Variants in SSR4 observed in about 807,000 individuals in gnomAD.
SSR4 encodes translocon-associated protein subunit delta.
For missense variants in SSR4, 125 were observed against 148.8 expected (o/e 0.84, Z 0.83); for synonymous variants, 84 against 65.6 (o/e 1.28, Z -1.35).
intron 2 of SSR4, 167 bp from the exon 3 acceptor site, chrX:153,797,283 GCAGAGGGC>G: frequency 6.5e-6 from 3 of 463,906 alleles, no homozygotes; most frequent in Non-Finnish European, 1.2e-5. Flanking sequence ...GAAGACCAAT[GCAGAGGGC>G]CAGTCACGGG....
chrX:153,798,103 C>T lies in SSR4; in HGVS notation c.384C>T (p.Ile128=). 3 of 1,149,966 alleles carry T rather than the reference C, an allele frequency of 2.6e-6. No individual in the cohort carries two copies. Among genetic ancestry groups the T allele is most frequent in the Non-Finnish European group, 2.3e-6 (2 of 856,597 alleles). 94.8% of individuals were successfully genotyped at this position (1,149,966 alleles called of 1,213,427 possible). Residue 128 remains isoleucine (I), a synonymous_variant, in exon 5 of 6, where the codon ATC becomes ATT. Coordinates refer to ENST00000370086, the MANE Select transcript of SSR4 (RefSeq NM_006280.3). The stretch of plus-strand genomic sequence containing the variant: ...GGAATAACGAGGACATTTCCATCAT[C>T]CCGCCTCTGTTTACAGTCAGCGTGG... The part of the protein sequence containing the change: ...AQRNNEDISI[I]PPLFTVSVDH...
chrX:153,798,230 G>T (rs2092154733), intron 5 of SSR4, 94 bp downstream of exon 5: 2 of 1,173,504 alleles, frequency 1.7e-6, no homozygotes, highest in African/African-American at 3.5e-5. Flanking sequence ...GGCCGTGATT[G>T]GCCAGCATGT....
chrX:153,796,743 G>A (rs1603257976), intron 2 of SSR4, 191 bp downstream of exon 2: 1 of 427,841 alleles, frequency 2.3e-6, no homozygotes. Flanking sequence ...TGTGTGCTGT[G>A]CCTACACGAG....
chrX:153,798,224 G>A lies in SSR4; in HGVS notation c.417+88G>A, dbSNP rs1018579642. ...ACAGCCCCAGCTCTGCTGCTGGGCC[G>A]TGATTGGCCAGCATGTCTTGGTTCC... On this transcript the variant is annotated intron_variant, in intron 5 of 5. Coordinates refer to ENST00000370086, the MANE Select transcript of SSR4 (RefSeq NM_006280.3). The A allele has an allele frequency of 7.7e-5, 90 of 1,168,765 alleles. No individual in the cohort carries two copies. In the Middle Eastern group the frequency reaches 9.9e-4, roughly 13 times the overall value.
At chrX:153,798,238 T>G in intron 5 of SSR4, 91 bp from the exon 6 acceptor site, 1 of 1,172,016 alleles carries the variant, frequency 8.5e-7, no homozygotes, top group Non-Finnish European at 1.2e-6. Flanking sequence ...TTGGCCAGCA[T>G]GTCTTGGTTC....
chrX:153,796,293 C>T (rs781971104), intron 1 of SSR4, 141 bp from the exon 2 acceptor site: 50 of 467,542 alleles, frequency 1.1e-4, no homozygotes, highest in African/African-American at 1.1e-3. Flanking sequence ...GGATCTGTCT[C>T]GCATATCCCA....
In SSR4 at chrX:153,797,586, T is replaced by C; in HGVS notation, c.261+54T>C. 2.6e-6 allele frequency: 3 copies of C among 1,161,407 alleles called. No homozygotes were observed. The South Asian group carries it at 5.4e-5, about 21-fold the overall frequency. On this transcript the variant is annotated intron_variant, in intron 3 of 5. Coordinates refer to ENST00000370086, the MANE Select transcript of SSR4 (RefSeq NM_006280.3). Reference sequence around the variant, plus strand: ...GGGCTCCCTGCTCCCGGGTGTGACCTGAAGCCCCAGGGGTGGCCGGTCAAC... The same window carrying C: ...GGGCTCCCTGCTCCCGGGTGTGACCCGAAGCCCCAGGGGTGGCCGGTCAAC...
At chrX:153,797,263 C>T (rs782376246) in intron 2 of SSR4, 195 bp from the exon 3 acceptor site, 3 of 442,367 alleles carry the variant, frequency 6.8e-6, no homozygotes, top group East Asian at 3.8e-5. Flanking sequence ...TGGCCTTGTG[C>T]CCCCGTAGGG....
At chrX:153,795,825 C>T (rs1199448873) in intron 1 of SSR4, 1 of 755,127 alleles carries the variant, frequency 1.3e-6, no homozygotes, top group East Asian at 1.5e-4. Context: ...GCCTTCCTTT[C>T]CTTTGGGCCT....
intron 1 of SSR4, 194 bp from the exon 2 acceptor site, chrX:153,796,240 G>A (rs2092140225): frequency 4.8e-6 from 2 of 419,901 alleles, no homozygotes; most frequent in South Asian, 3.6e-5. Flanking sequence ...TTCCTTCACA[G>A]CCATCCCGCC....
rs988388450 is a variant in SSR4 at position 153,797,958 on chromosome X, C to T, written c.352-113C>T. 5.9e-5 allele frequency: 55 copies of T among 937,412 alleles called. No individual in the cohort carries two copies. In the African/African-American group the frequency reaches 9.3e-4, roughly 16 times the overall value. 77.3% of individuals were successfully genotyped at this position (937,412 alleles called of 1,213,427 possible). ...TCAGTGTCTCTTGCCCATTTCTCTCCTTTCCTTTTCTGGGGCTTGGGCCGG... is the reference window on the plus strand; with the variant it reads ...TCAGTGTCTCTTGCCCATTTCTCTCTTTTCCTTTTCTGGGGCTTGGGCCGG... On this transcript the variant is annotated intron_variant, in intron 4 of 5. Transcript: ENST00000370086.
chrX:153,796,338 G>C, intron 1 of SSR4, 96 bp from the exon 2 acceptor site: 1 of 597,084 alleles, frequency 1.7e-6, no homozygotes, highest in Non-Finnish European at 2.8e-6. Flanking sequence ...TGGGTCCCCA[G>C]CTGATCCGTG....
intron 3 of SSR4, 24 bp from the exon 4 acceptor site, chrX:153,797,696 GCCCAC>G (rs2092150229): frequency 8.4e-7 from 1 of 1,193,359 alleles, no homozygotes; most frequent in African/African-American, 1.8e-5. Context: ...TGTCCACTCT[GCCCAC>G]ACTCTGCTCA....
upstream of SSR4, chrX:153,794,390 G>A (rs1179521136): frequency 1.3e-5 from 15 of 1,153,127 alleles, no homozygotes; most frequent in Non-Finnish European, 1.7e-5. Flanking sequence ...GAGTTCGACG[G>A]GGTGCGAAGT....
chrX:153,796,830 C>G (rs2092144683), intron 2 of SSR4: 1 of 324,927 alleles, frequency 3.1e-6, no homozygotes, highest in African/African-American at 2.6e-5. Flanking sequence ...TCAGCCCACC[C>G]CGGTTGCCAT....
At chrX:153,794,916 C>T in intron 1 of SSR4, 162 bp downstream of exon 1, 1 of 586,211 alleles carries the variant, frequency 1.7e-6, no homozygotes. Context: ...ACCAAAGCAC[C>T]TCGCGCACGT....
At chrX:153,796,118 G>A (rs1165226849) in intron 1 of SSR4, 4 of 237,674 alleles carry the variant, frequency 1.7e-5, no homozygotes, top group Admixed American at 6.4e-5. Flanking sequence ...CCGGGCCTCC[G>A]TGTCATAGGT....
At chrX:153,797,657 C>G (rs1419288030) in intron 3 of SSR4, 68 bp from the exon 4 acceptor site, 3 of 1,124,174 alleles carry the variant, frequency 2.7e-6, no homozygotes, top group Non-Finnish European at 3.7e-6. Context: ...GCTGCAGTGT[C>G]GGCACTGGTG....
intron 2 of SSR4, 196 bp from the exon 3 acceptor site, chrX:153,797,262 G>GC (rs1475585547): frequency 6.8e-6 from 3 of 442,930 alleles, no homozygotes; most frequent in Admixed American, 3.8e-5. Flanking sequence ...CTGGCCTTGT[G>GC]CCCCCGTAGG....
Sources: gnomAD v4.1 joint callset for allele counts on GRCh38, gnomAD v4.1.1 for gene constraint, MANE v1.5 for transcripts, NCBI Gene and HGNC (gene_info 2026-07-23, HGNC 2026-07-21) for gene names.